FNDC3B: variants seen among roughly 807,000 people sequenced by gnomAD.
The protein encoded by FNDC3B is fibronectin type III domain-containing protein 3B.
A neutral mutation model predicts 151.5 loss-of-function variants in FNDC3B; 12 were observed. The ratio of observed to expected loss-of-function variants is 0.08; its 90% confidence interval spans 0.05 to 0.13. The LOEUF is 0.13. Among genes scored for constraint, FNDC3B ranks in the 10% least tolerant of loss-of-function variants. The pLI, the probability that FNDC3B is intolerant of heterozygous loss-of-function variation, is 1.00. For missense variants in FNDC3B, 1,214 were observed against 1,505.3 expected, an observed-to-expected ratio of 0.81 and a Z score of 3.20; for synonymous variants, 528 against 549.0, an observed-to-expected ratio of 0.96 and a Z score of 0.54.
At chr3:172,327,893 T>G (rs968455126) in intron 11 of FNDC3B, among the ~76,000 whole-genome samples, 4 of 152,258 alleles carry the variant, frequency 2.6e-5, no homozygotes, top group African/African-American at 9.6e-5. Flanking sequence ...AATTGAGAAC[T>G]TCAGACACAT....
chr3:172,362,636 C>T lies in FNDC3B; in HGVS notation c.2799C>T (p.Ile933=), dbSNP rs1366677366. 1.2e-6 allele frequency: 2 copies of T among 1,611,968 alleles called. No individual in the cohort carries two copies. The highest frequency in any genetic ancestry group is 1.7e-6 in the Non-Finnish European group (2 of 1,178,706). ...ATTTTTTTTTTCCTTTCTCTAGGATCAGAATTCAGGCTATAAATGAAATTG... is the reference window on the plus strand; with the variant it reads ...ATTTTTTTTTTCCTTTCTCTAGGATTAGAATTCAGGCTATAAATGAAATTG... ...KDLLPETTYR[I]RIQAINEIGA... The change falls in exon 23 of 26, where the codon ATC becomes ATT. Residue 933 remains isoleucine (I), a synonymous_variant. Transcript: ENST00000415807.
At chr3:172,335,184 AT>A in intron 15 of FNDC3B, 102 bp downstream of exon 15, 4 of 1,269,396 alleles carry the variant, frequency 3.2e-6, no homozygotes, top group Non-Finnish European at 4.2e-6. Flanking sequence ...AAAATTGTGG[AT>A]GGTATTTGCA....
chr3:172,369,417 T>C (rs1734774983), intron 23 of FNDC3B, among the ~76,000 whole-genome samples: 1 of 152,174 alleles, frequency 6.6e-6, no homozygotes, highest in African/African-American at 2.4e-5. Flanking sequence ...TTTTTAAATA[T>C]AAATAAATCT....
chr3:172,171,842 G>A (rs1350063452), intron 3 of FNDC3B, among the ~76,000 whole-genome samples: 1 of 151,792 alleles, frequency 6.6e-6, no homozygotes, highest in African/African-American at 2.4e-5. Flanking sequence ...CAGCAGATGT[G>A]TACAGGGTTT....
chr3:172,235,780 T>C (rs1488870057), intron 4 of FNDC3B, among the ~76,000 whole-genome samples: 1 of 152,250 alleles, frequency 6.6e-6, no homozygotes, highest in Non-Finnish European at 1.5e-5. Context: ...TCTGTTTAAA[T>C]GTAAGGAATT....
chr3:172,353,116 A>T (rs1733938026), intron 22 of FNDC3B, 33 bp downstream of exon 22: 1 of 1,596,812 alleles, frequency 6.3e-7, no homozygotes, highest in African/African-American at 1.3e-5. Context: ...CTGCATCAGC[A>T]CATCAGCACT....
chr3:172,074,786 C>T lies in FNDC3B; in HGVS notation c.-29+35015C>T, dbSNP rs146319030. On this transcript the variant is annotated intron_variant, in intron 1 of 25. Transcript: ENST00000415807. ...TGGCCACAGTCACATGATTGATTAC[C>T]GGTTGGGGACCCACAGTTAGCTTAT... Among the ~76,000 whole-genome samples, 90 of 152,292 alleles carry T rather than the reference C, an allele frequency of 5.9e-4. 1 individual carries two copies. The highest frequency in any genetic ancestry group is 3.4e-3 in the Middle Eastern group (1 of 294).
At chr3:172,099,402 G>A (rs1224824705) in intron 1 of FNDC3B, among the ~76,000 whole-genome samples, 1 of 151,852 alleles carries the variant, frequency 6.6e-6, no homozygotes, top group Admixed American at 6.6e-5. Flanking sequence ...AGCAGTAAAT[G>A]AAGGTCTAGA....
intron 1 of FNDC3B, among the ~76,000 whole-genome samples, chr3:172,094,779 T>C (rs952910800): frequency 3.3e-5 from 5 of 150,976 alleles, no homozygotes; most frequent in Non-Finnish European, 7.4e-5. Context: ...CTCTTATGGG[T>C]GCTTCTGCTT....
chr3:172,068,047 G>A (rs576729873), intron 1 of FNDC3B, among the ~76,000 whole-genome samples: 1 of 152,212 alleles, frequency 6.6e-6, no homozygotes, highest in East Asian at 1.9e-4. Context: ...CCTTGCTTTC[G>A]GTCTACCTTT....
At chr3:172,367,026 C>A (rs1189381813) in intron 23 of FNDC3B, among the ~76,000 whole-genome samples, 1 of 152,166 alleles carries the variant, frequency 6.6e-6, no homozygotes, top group African/African-American at 2.4e-5. Context: ...TTGCCCAAAC[C>A]CTTGGCTCAA....
intron 6 of FNDC3B, among the ~76,000 whole-genome samples, chr3:172,253,389 T>A (rs1464730673): frequency 6.6e-6 from 1 of 152,126 alleles, no homozygotes; most frequent in Non-Finnish European, 1.5e-5. Flanking sequence ...ATAAAACACT[T>A]CTTGTTCATG....
chr3:172,081,391 A>C (rs1718273893), intron 1 of FNDC3B, among the ~76,000 whole-genome samples: 1 of 151,980 alleles, frequency 6.6e-6, no homozygotes, highest in Non-Finnish European at 1.5e-5. Flanking sequence ...ATGAGCCTGG[A>C]ATTTTGAAGT....
intron 6 of FNDC3B, among the ~76,000 whole-genome samples, chr3:172,254,319 C>A (rs1178648406): frequency 6.6e-6 from 1 of 151,966 alleles, no homozygotes; most frequent in Non-Finnish European, 1.5e-5. Context: ...CCATTTTAGA[C>A]CTACTAAATC....
At chr3:172,156,675 G>T (rs936706738) in intron 3 of FNDC3B, among the ~76,000 whole-genome samples, 3 of 150,212 alleles carry the variant, frequency 2.0e-5, no homozygotes, top group Non-Finnish European at 3.0e-5. Context: ...GAGAAAAGTG[G>T]CTAGTGCTGA....
chr3:172,135,902 A>G (rs1197496128), intron 3 of FNDC3B, among the ~76,000 whole-genome samples: 2 of 152,224 alleles, frequency 1.3e-5, no homozygotes, highest in Non-Finnish European at 2.9e-5. Flanking sequence ...TAGGCAGTGT[A>G]TTTGTAAATT....
intron 1 of FNDC3B, among the ~76,000 whole-genome samples, chr3:172,048,518 G>T (rs946749519): frequency 6.6e-6 from 1 of 152,128 alleles, no homozygotes; most frequent in Admixed American, 6.6e-5. Context: ...AATGTTAAAT[G>T]ATAAAGCTAC....
intron 3 of FNDC3B, among the ~76,000 whole-genome samples, chr3:172,153,629 A>G (rs1169034265): frequency 1.3e-5 from 2 of 152,256 alleles, no homozygotes; most frequent in Non-Finnish European, 2.9e-5. Flanking sequence ...TATACTTAAA[A>G]GACACCTTTC....
intron 23 of FNDC3B, among the ~76,000 whole-genome samples, chr3:172,367,664 T>TG (rs1734698961): frequency 6.6e-6 from 1 of 152,232 alleles, no homozygotes; most frequent in Admixed American, 6.5e-5. Flanking sequence ...TGAAATGTTA[T>TG]GCTGCCCTAA....
Sources: gnomAD v4.1 joint callset for allele counts (sites outside exome capture counted in the v4.1 genomes callset) on GRCh38, gnomAD v4.1.1 for gene constraint, MANE v1.5 for transcripts, NCBI Gene and HGNC (gene_info 2026-07-23, HGNC 2026-07-21) for gene names.